Variants in EMP2 observed in about 807,000 individuals in gnomAD.
The protein encoded by EMP2 is epithelial membrane protein 2.
In EMP2, 19 loss-of-function variants were observed where a neutral mutation model predicts 13.7. That is an observed-to-expected ratio of 1.38 (90% confidence interval 0.97 to 2.03). EMP2 has a LOEUF of 2.03. Ranked by LOEUF, EMP2 falls within the 30% of genes most tolerant of loss-of-function variation. The pLI is 0.00. For missense variants in EMP2, 253 were observed against 220.7 expected (o/e 1.15, Z -0.93); for synonymous variants, 97 against 84.7 (o/e 1.15, Z -0.80).
At chr16:10,536,628 G>T (rs1387323988) in intron 4 of EMP2, among the ~76,000 whole-genome samples, 1 of 152,140 alleles carries the variant, frequency 6.6e-6, no homozygotes, top group Non-Finnish European at 1.5e-5. Context: ...AAATTACCCA[G>T]TCTCGGGTAT....
chr16:10,541,726 G>A (rs2050700361), intron 3 of EMP2, among the ~76,000 whole-genome samples: 1 of 152,132 alleles, frequency 6.6e-6, no homozygotes, highest in Non-Finnish European at 1.5e-5. Context: ...CCGTGGTTAA[G>A]GGTACTGGCT....
At chr16:10,535,972 G>C (rs1418147746) in intron 4 of EMP2, among the ~76,000 whole-genome samples, 2 of 152,210 alleles carry the variant, frequency 1.3e-5, no homozygotes, top group Non-Finnish European at 2.9e-5. Context: ...GATTCAAGAG[G>C]GCAGGCTGGG....
intron 1 of EMP2, among the ~76,000 whole-genome samples, chr16:10,553,561 A>G (rs1044694173): frequency 6.6e-6 from 1 of 151,144 alleles, no homozygotes; most frequent in East Asian, 2.0e-4. Flanking sequence ...GCCGAAGGCT[A>G]GTAGGGGACA....
intron 1 of EMP2, among the ~76,000 whole-genome samples, chr16:10,553,932 C>A (rs1263659371): frequency 1.3e-5 from 2 of 152,180 alleles, no homozygotes; most frequent in African/African-American, 4.8e-5. Context: ...GTGATTTAAA[C>A]AATTTAACTT....
At chr16:10,576,061 C>T (rs763557728) in intron 1 of EMP2, among the ~76,000 whole-genome samples, 4 of 152,110 alleles carry the variant, frequency 2.6e-5, no homozygotes, top group Admixed American at 6.5e-5. Context: ...TGCTTATTAA[C>T]TAAATTCTTT....
At chr16:10,573,301 C>T (rs943621117) in intron 1 of EMP2, among the ~76,000 whole-genome samples, 6 of 152,156 alleles carry the variant, frequency 3.9e-5, no homozygotes, top group African/African-American at 1.4e-4. Flanking sequence ...ATCCTCCTGC[C>T]TAACCCTCCC....
intron 1 of EMP2, among the ~76,000 whole-genome samples, chr16:10,551,401 T>C (rs1046466691): frequency 2.6e-5 from 4 of 152,178 alleles, no homozygotes; most frequent in African/African-American, 7.2e-5. Context: ...ATTTCTGAAA[T>C]AGGATTTTCG....
chr16:10,543,762 A>T (rs1215385634), intron 2 of EMP2, 102 bp from the exon 3 acceptor site: 4 of 1,064,734 alleles, frequency 3.8e-6, no homozygotes, highest in Non-Finnish European at 5.8e-6. Flanking sequence ...GGATTCTCAA[A>T]CTGCAACACA....
At chr16:10,540,624 G>C (rs540209212) in intron 3 of EMP2, among the ~76,000 whole-genome samples, 64 of 152,226 alleles carry the variant, frequency 4.2e-4, no homozygotes, top group African/African-American at 1.5e-3. Flanking sequence ...GGGTGTTTGG[G>C]GTTGTTTGTT....
At chr16:10,569,036 C>A (rs574893426) in intron 1 of EMP2, among the ~76,000 whole-genome samples, 48 of 152,158 alleles carry the variant, frequency 3.2e-4, no homozygotes, top group Middle Eastern at 3.2e-3. Context: ...GATCCACCCA[C>A]CTTGGCCTCC....
At chr16:10,535,345 T>C (rs1156461026) in intron 4 of EMP2, among the ~76,000 whole-genome samples, 1 of 152,050 alleles carries the variant, frequency 6.6e-6, no homozygotes, top group Non-Finnish European at 1.5e-5. Context: ...ATGTGAAAAT[T>C]TATATATATA....
At chr16:10,543,527 C>T in intron 3 of EMP2, 43 bp downstream of exon 3, 2 of 1,603,266 alleles carry the variant, frequency 1.2e-6, no homozygotes, top group Non-Finnish European at 1.7e-6. Context: ...CCGTTCCTTC[C>T]TCCCTCAGTG....
intron 1 of EMP2, among the ~76,000 whole-genome samples, chr16:10,578,400 G>A (rs1254102611): frequency 1.3e-5 from 2 of 152,218 alleles, no homozygotes; most frequent in African/African-American, 4.8e-5. Context: ...GGATTTAAGT[G>A]CCATTACTGG....
intron 1 of EMP2, among the ~76,000 whole-genome samples, chr16:10,562,392 C>A (rs2050879060): frequency 6.6e-6 from 1 of 151,326 alleles, no homozygotes; most frequent in African/African-American, 2.4e-5. Context: ...ATCTATCTCT[C>A]TCTCTCTATC....
intron 1 of EMP2, among the ~76,000 whole-genome samples, chr16:10,548,653 C>T (rs2050758331): frequency 6.6e-6 from 1 of 152,026 alleles, no homozygotes; most frequent in South Asian, 2.1e-4. Context: ...ATGATCTCAT[C>T]ACTGCACACT....
At chr16:10,557,143 G>C (rs140906841) in intron 1 of EMP2, among the ~76,000 whole-genome samples, 206 of 152,174 alleles carry the variant, frequency 1.4e-3, no homozygotes, top group East Asian at 3.3e-3. Flanking sequence ...GATCGCTTGA[G>C]GCCAGGAGTT....
rs1042998683 is a variant in EMP2, at chr16:10,556,475, G to A, written c.-60-8798C>T. ...AACTGCTGCTGTCACAGGACAAGTA[G>A]GACAAGCAATCCATGTGTGGCACTT... On this transcript the variant is annotated intron_variant, in intron 1 of 4. Transcript: ENST00000359543. Among the ~76,000 whole-genome samples the A allele has an allele frequency of 3.3e-5, 5 of 152,198 alleles. 1 individual carries two copies. Among genetic ancestry groups the A allele is most frequent in the South Asian group, 4.1e-4 (2 of 4,828 alleles).
intron 3 of EMP2, among the ~76,000 whole-genome samples, chr16:10,542,448 C>T (rs1382412109): frequency 6.6e-6 from 1 of 151,838 alleles, no homozygotes; most frequent in African/African-American, 2.4e-5. Flanking sequence ...CCCTCCCCCC[C>T]CACCAACAAA....
At chr16:10,562,991 A>G (rs1184020108) in intron 1 of EMP2, among the ~76,000 whole-genome samples, 1 of 152,174 alleles carries the variant, frequency 6.6e-6, no homozygotes, top group African/African-American at 2.4e-5. Context: ...ACAGGCACAC[A>G]GCATGTCAGC....
Sources: allele counts gnomAD v4.1 joint callset (sites outside exome capture counted in the v4.1 genomes callset), GRCh38; gene constraint gnomAD v4.1.1; transcripts MANE v1.5; gene names NCBI Gene and HGNC (gene_info 2026-07-23, HGNC 2026-07-21).